Variants in SHOC1 observed in about 807,000 individuals in gnomAD.
SHOC1 encodes the protein shortage in chiasmata 1, also known as protein shortage in chiasmata 1 ortholog.
SHOC1 carries 136 observed loss-of-function variants against 179.2 expected under a neutral mutation model. That is an observed-to-expected ratio of 0.76 (90% confidence interval 0.66 to 0.87). The LOEUF is 0.87. Ranked by LOEUF, SHOC1 falls within the 40% of genes least tolerant of loss-of-function variation. The pLI is 0.00. For missense variants in SHOC1, 1,538 were observed against 1,700.8 expected (o/e 0.90, Z 1.68); for synonymous variants, 489 against 586.6 (o/e 0.83, Z 2.41).
chr9:111,763,349 T>C (rs115088944), intron 5 of SHOC1, among the ~76,000 whole-genome samples: 298 of 152,104 alleles, frequency 2.0e-3, no homozygotes, highest in African/African-American at 6.5e-3. Context: ...GCCTAATATA[T>C]AACAATAGAC....
chr9:111,788,291 C>T (rs1244302420), intron 2 of SHOC1, among the ~76,000 whole-genome samples: 3 of 150,998 alleles, frequency 2.0e-5, no homozygotes, highest in Admixed American at 6.6e-5. Context: ...GGATTACAAG[C>T]GCCCACCACC....
At chr9:111,732,363 T>C (rs1016035022) in intron 12 of SHOC1, among the ~76,000 whole-genome samples, 1 of 152,162 alleles carries the variant, frequency 6.6e-6, no homozygotes, top group African/African-American at 2.4e-5. Flanking sequence ...ATGGGAGGAT[T>C]GCTTGAGACC....
At chr9:111,688,128 A>G (rs1831263974) in intron 27 of SHOC1, among the ~76,000 whole-genome samples, 1 of 152,182 alleles carries the variant, frequency 6.6e-6, no homozygotes, top group South Asian at 2.1e-4. Context: ...TCTCGAAACA[A>G]GGAAAGGCCT....
At chr9:111,707,807 G>A in intron 19 of SHOC1, 48 bp downstream of exon 19, 1 of 1,289,560 alleles carries the variant, frequency 7.8e-7, no homozygotes. Context: ...TGCTTTTCCT[G>A]TGAAACTGGT....
intron 5 of SHOC1, among the ~76,000 whole-genome samples, chr9:111,765,357 C>T (rs968719293): frequency 6.6e-6 from 1 of 152,060 alleles, no homozygotes; most frequent in Non-Finnish European, 1.5e-5. Context: ...CAGTGCTTTG[C>T]GAGGCCAAGG....
At chr9:111,786,200 C>T (rs1351160506) in intron 2 of SHOC1, among the ~76,000 whole-genome samples, 165 bp from the exon 3 acceptor site, 1 of 152,134 alleles carries the variant, frequency 6.6e-6, no homozygotes, top group Non-Finnish European at 1.5e-5. Flanking sequence ...CTTTGGGAGG[C>T]CCAGGCGGGC....
intron 5 of SHOC1, among the ~76,000 whole-genome samples, chr9:111,770,385 C>T (rs911602546): frequency 3.3e-5 from 5 of 152,038 alleles, no homozygotes; most frequent in East Asian, 3.9e-4. Context: ...AGAAAAGCTA[C>T]TTGATATGAT....
At chr9:111,717,041 T>C (rs761799909) in intron 16 of SHOC1, among the ~76,000 whole-genome samples, 1 of 152,224 alleles carries the variant, frequency 6.6e-6, no homozygotes, top group Non-Finnish European at 1.5e-5. Flanking sequence ...TGAGATTGGT[T>C]ATTACTCATG....
chr9:111,758,163 G>T lies in SHOC1; in HGVS notation c.629C>A (p.Ala210Asp). 6.3e-7 allele frequency: 1 copy of T among 1,580,812 alleles called. No individual in the cohort carries two copies. Among genetic ancestry groups the T allele is most frequent in the Non-Finnish European group, 8.6e-7 (1 of 1,164,032 alleles). Reference sequence around the variant, plus strand: ...CATACAAAAATCTTCTTTCACAAAAGCTTCCAAAGTTTCTTGAAGAGAGAA... The same window carrying T: ...CATACAAAAATCTTCTTTCACAAAATCTTCCAAAGTTTCTTGAAGAGAGAA... Reference protein sequence around the residue: ...ECFSLQETLEAFVKEDFCMDK... With the variant: ...ECFSLQETLEDFVKEDFCMDK... The change falls in exon 7 of 28, where the codon GCT becomes GAT. Residue 210 changes from alanine to aspartate, a missense_variant. Coordinates refer to ENST00000682961, the MANE Select transcript of SHOC1 (RefSeq NM_001378211.1).
intron 8 of SHOC1, among the ~76,000 whole-genome samples, chr9:111,753,776 A>G (rs1323773357): frequency 6.6e-6 from 1 of 152,106 alleles, no homozygotes; most frequent in Non-Finnish European, 1.5e-5. Flanking sequence ...CATGATAAAA[A>G]CTCTCAAAAA....
At chr9:111,757,798 T>C (rs1390785012) in intron 7 of SHOC1, among the ~76,000 whole-genome samples, 1 of 152,252 alleles carries the variant, frequency 6.6e-6, no homozygotes, top group Admixed American at 6.5e-5. Context: ...TTACAATTAT[T>C]GGAAGAGATT....
At chr9:111,750,601 C>T (rs1455345026) in intron 8 of SHOC1, among the ~76,000 whole-genome samples, 1 of 152,190 alleles carries the variant, frequency 6.6e-6, no homozygotes, top group African/African-American at 2.4e-5. Flanking sequence ...TCCCAAAGTG[C>T]TGGGATTACA....
chr9:111,697,949 G>A (rs906839580), intron 24 of SHOC1, among the ~76,000 whole-genome samples: 1 of 152,190 alleles, frequency 6.6e-6, no homozygotes, highest in Non-Finnish European at 1.5e-5. Flanking sequence ...CAGTGATGAT[G>A]AGCATTTTTT....
At chr9:111,747,734 C>T (rs1206839721) in intron 9 of SHOC1, among the ~76,000 whole-genome samples, 2 of 152,072 alleles carry the variant, frequency 1.3e-5, no homozygotes, top group Non-Finnish European at 2.9e-5. Flanking sequence ...CCATGTGTCA[C>T]CATGCCTGCC....
At chr9:111,788,513 G>C (rs1836343446) in intron 2 of SHOC1, among the ~76,000 whole-genome samples, 3 of 152,174 alleles carry the variant, frequency 2.0e-5, no homozygotes, top group Non-Finnish European at 4.4e-5. Flanking sequence ...AGATAACACA[G>C]AACCACATAA....
Position 111,723,522 on chromosome 9 carries a change from C to T in SHOC1, c.1954+270G>A, listed in dbSNP as rs571007003. ...CTGGGCAGAAGAGTCCGAGGAGGTA[C>T]AGTTGTTCTCAGATTGATATAGGGA... On this transcript the variant is annotated intron_variant, in intron 14 of 27. Coordinates refer to ENST00000682961, the MANE Select transcript of SHOC1 (RefSeq NM_001378211.1). Among the ~76,000 whole-genome samples, 3 of 152,208 alleles carry T rather than the reference C, an allele frequency of 2.0e-5. No individual in the cohort carries two copies. In the East Asian group the frequency reaches 5.8e-4, roughly 29 times the overall value.
intron 13 of SHOC1, among the ~76,000 whole-genome samples, chr9:111,726,982 C>T (rs571020630): frequency 4.6e-5 from 7 of 152,106 alleles, no homozygotes; most frequent in Non-Finnish European, 7.4e-5. Flanking sequence ...CATTAGGTTG[C>T]ATCAATGTGT....
Position 111,692,328 on chromosome 9 carries a change from C to T in SHOC1, c.3649G>A (p.Glu1217Lys). The T allele has an allele frequency of 6.2e-7, 1 of 1,612,262 alleles. No homozygotes were observed. The highest frequency in any genetic ancestry group is 1.1e-5 in the South Asian group (1 of 91,036). ...NEYYQYLGLG[E>K]TVQEDKTTIL... is the part of the protein sequence containing the mutation. ...GTGGTTTTGTCTTCCTGCACTGTCT[C>T]TCCTAATCCTAAATACTGATAATAT... Residue 1217 changes from glutamate (E) to lysine (K), a missense_variant, in exon 27 of 28, where the codon GAG becomes AAG. By Grantham distance (56) the Glu-to-Lys change is moderately conservative (BLOSUM62 1). Coordinates refer to ENST00000682961, the MANE Select transcript of SHOC1 (RefSeq NM_001378211.1).
Position 111,785,914 on chromosome 9 carries a change from C to T in SHOC1, c.167G>A (p.Arg56Lys). The T allele has an allele frequency of 6.8e-7, 1 of 1,466,200 alleles. No individual in the cohort carries two copies. The highest frequency in any genetic ancestry group is 1.5e-5 in the South Asian group (1 of 68,638). The allele number at this position is 1,466,200 out of a possible 1,614,324, so 90.8% of individuals were successfully genotyped here. Reference sequence around the variant, plus strand: ...TTAAGAAATGAAAACAAACATACCTCTCGTCCATGGCCTCCTAAATTTATT... The same window carrying T: ...TTAAGAAATGAAAACAAACATACCTTTCGTCCATGGCCTCCTAAATTTATT... The part of the protein sequence containing the change: ...TDNKFRRPWT[R>K]VSAVSVPGMT... Residue 56 changes from arginine to lysine, a missense_variant and splice_region_variant, in exon 3 of 28, where the codon AGA (arginine) becomes AAA (lysine). Arg to Lys is a conservative substitution (Grantham distance 26). Coordinates refer to ENST00000682961, the MANE Select transcript of SHOC1 (RefSeq NM_001378211.1).
Sources: allele counts gnomAD v4.1 joint callset (sites outside exome capture counted in the v4.1 genomes callset), GRCh38; gene constraint gnomAD v4.1.1; transcripts MANE v1.5; gene names NCBI Gene and HGNC (gene_info 2026-07-23, HGNC 2026-07-21).